IST1: variants seen among roughly 807,000 people sequenced by gnomAD.
The protein encoded by IST1 is IST1 homolog.
Under a neutral mutation model 37.0 loss-of-function variants are expected in IST1, and 23 were observed. The ratio of observed to expected loss-of-function variants is 0.62; its 90% confidence interval spans 0.45 to 0.88. The LOEUF (loss-of-function observed/expected upper bound fraction) is 0.88. IST1 is among the 40% of genes least tolerant of loss of function. The pLI, the probability that IST1 is intolerant of heterozygous loss-of-function variation, is 0.00. For synonymous variants in IST1, 180 were observed against 161.7 expected, an observed-to-expected ratio of 1.11 and a Z score of -0.86; for missense variants, 488 against 445.4, an observed-to-expected ratio of 1.10 and a Z score of -0.86.
chr16:71,909,095 CTT>C (rs34086105), intron 1 of IST1, among the ~76,000 whole-genome samples: 10 of 102,936 alleles, frequency 9.7e-5, no homozygotes, highest in Non-Finnish European at 1.1e-4. Flanking sequence ...TTTTGTTTGT[CTT>C]TTTTTTTTTT....
At position 71,916,592 on chromosome 16, in the gene IST1, G is replaced by A; in HGVS notation, c.219G>A (p.Glu73=). 6.2e-7 allele frequency: 1 copy of A among 1,614,124 alleles called. No homozygotes were observed. The highest frequency in any genetic ancestry group is 8.5e-7 in the Non-Finnish European group (1 of 1,179,928). The change falls in exon 3 of 10, where the codon GAG becomes GAA. Residue 73 remains glutamate, a synonymous_variant. Coordinates refer to ENST00000378799, the MANE Select transcript of IST1 (RefSeq NM_001270975.2). Reference sequence around the variant, plus strand: ...TCGTGGAGGCCATGGAGATCCTGGAGCTGTACTGTGACCTGCTGCTGGCTC... The same window carrying A: ...TCGTGGAGGCCATGGAGATCCTGGAACTGTACTGTGACCTGCTGCTGGCTC... The part of the protein sequence containing the change: ...DYLVEAMEIL[E]LYCDLLLARF...
intron 8 of IST1, chr16:71,924,560 C>T (rs985101763): frequency 6.7e-6 from 4 of 597,248 alleles, no homozygotes; most frequent in African/African-American, 3.7e-5. Flanking sequence ...CACTGCACTC[C>T]AGCCTGGGTG....
At position 71,925,022 on chromosome 16, in the gene IST1, T is replaced by C. The variant is rs2037705412; in HGVS notation, c.901+205T>C. 2.6e-5 allele frequency among the ~76,000 whole-genome samples: 4 copies of C among 151,648 alleles called. No individual in the cohort carries two copies. In the South Asian group the frequency reaches 6.3e-4, roughly 24 times the overall value. On this transcript the variant is annotated intron_variant, in intron 9 of 9. Transcript: ENST00000378799. The stretch of plus-strand genomic sequence containing the variant: ...GTGATAGCTCAGTGATTTTTTTTTT[T>C]TTTTTTTTGAGATGGAGTCTTGCTC...
intron 1 of IST1, among the ~76,000 whole-genome samples, chr16:71,901,616 T>G (rs1021280519): frequency 6.6e-6 from 1 of 152,252 alleles, no homozygotes; most frequent in African/African-American, 2.4e-5. Context: ...ACTGTCATTG[T>G]CTTTAATGAT....
At chr16:71,895,682 G>C in intron 1 of IST1, 93 bp downstream of exon 1, 2 of 395,944 alleles carry the variant, frequency 5.1e-6, no homozygotes, top group Non-Finnish European at 6.9e-6. Context: ...TAGGGCCCGG[G>C]ATTCAAACGA....
Position 71,927,657 on chromosome 16 carries a change from A to T in IST1, c.945A>T (p.Arg315Ser), listed in dbSNP as rs778909836. ...KPEASAKLPS[R>S]PADNYDNFVL... ...AAGCCTCTGCAAAGCTTCCTTCCAG[A>T]CCTGCAGATAACTATGACAACTTTG... The change falls in exon 10 of 10, where the codon AGA becomes AGT. Residue 315 changes from arginine to serine, a missense_variant. Transcript: ENST00000378799. 3.8e-5 allele frequency: 62 copies of T among 1,613,800 alleles called. No individual in the cohort carries two copies. In the Admixed American group the frequency reaches 4.5e-4, roughly 12 times the overall value.
chr16:71,927,576 T>C (rs758825191), intron 9 of IST1, 38 bp from the exon 10 acceptor site: 2 of 1,398,890 alleles, frequency 1.4e-6, no homozygotes, highest in Non-Finnish European at 2.0e-6. Flanking sequence ...GAGTCATTTC[T>C]CTGGTATTTG....
upstream of IST1, chr16:71,895,254 G>GA (rs2036937946): frequency 6.3e-6 from 1 of 158,442 alleles, no homozygotes; most frequent in Non-Finnish European, 1.4e-5. Flanking sequence ...AACAGCTGTG[G>GA]CTGGCCTCCC....
chr16:71,910,646 A>G (rs999521923), intron 1 of IST1, among the ~76,000 whole-genome samples: 1 of 151,800 alleles, frequency 6.6e-6, no homozygotes. Context: ...GGTACTATGT[A>G]TAGGATTCGG....
Position 71,921,479 on chromosome 16 carries a change from A to T in IST1, c.552+26A>T, listed in dbSNP as rs200826780. On this transcript the variant is annotated intron_variant, in intron 6 of 9. Transcript: ENST00000378799. Reference sequence around the variant, plus strand: ...GTAAGTTTATCCCAGAATACAAAGAAAAATGAGTTTGTAGGTATGACCTTC... The same window carrying T: ...GTAAGTTTATCCCAGAATACAAAGATAAATGAGTTTGTAGGTATGACCTTC... 4 of 1,423,340 alleles carry T rather than the reference A, an allele frequency of 2.8e-6. No individual in the cohort carries two copies. In the Admixed American group the frequency reaches 5.1e-5, roughly 18 times the overall value. The allele number at this position is 1,423,340 out of a possible 1,614,324, so 88.2% of individuals were successfully genotyped here.
At chr16:71,900,327 C>CTTTTTTTTTTTTTTTTTTT (rs201344260) in intron 1 of IST1, among the ~76,000 whole-genome samples, 1 of 100,470 alleles carries the variant, frequency 1.0e-5, no homozygotes, top group Non-Finnish European at 1.8e-5. Flanking sequence ...CTTAGGAAGT[C>CTTTTTTTTTTTTTTTTTTT]TTTTTTTTTT....
Position 71,908,527 on chromosome 16 carries a change from C to T in IST1, c.-15-7099C>T, listed in dbSNP as rs117654744. On this transcript the variant is annotated intron_variant, in intron 1 of 9. Transcript: ENST00000378799. ...GGCCAGGCTGGTCTCGAATACCACCCGCCTTGGCCTCCCACAGTGTTGGGA... is the reference window on the plus strand; with the variant it reads ...GGCCAGGCTGGTCTCGAATACCACCTGCCTTGGCCTCCCACAGTGTTGGGA... Among the ~76,000 whole-genome samples the T allele has an allele frequency of 1.8e-4, 27 of 152,220 alleles. No individual in the cohort carries two copies. The East Asian group carries it at 4.6e-3, about 26-fold the overall frequency.
intron 2 of IST1, 130 bp downstream of exon 2, chr16:71,915,858 TCTCA>T: frequency 1.7e-6 from 1 of 581,314 alleles, no homozygotes; most frequent in Non-Finnish European, 3.0e-6. Flanking sequence ...TGAGACAGGG[TCTCA>T]CTCTGTCGCC....
At chr16:71,906,348 C>T (rs61303106) in intron 1 of IST1, among the ~76,000 whole-genome samples, 1,644 of 151,864 alleles carry the variant, frequency 0.011, 24 homozygotes, top group African/African-American at 0.036. Context: ...GCGCTTGTTG[C>T]CCAGGCTGGA....
intron 1 of IST1, among the ~76,000 whole-genome samples, chr16:71,906,457 G>A (rs779063410): frequency 1.4e-4 from 22 of 151,726 alleles, no homozygotes; most frequent in Non-Finnish European, 2.5e-4. Flanking sequence ...ACAGGTGCCC[G>A]CCACCACGCC....
Position 71,929,797 on chromosome 16 carries a change from A to G in IST1, c.*1984A>G. 1 of 1,121,444 alleles carries G rather than the reference A, an allele frequency of 8.9e-7. No individual in the cohort carries two copies. The highest frequency in any genetic ancestry group is 1.7e-5 in the South Asian group (1 of 58,416). 69.5% of individuals were successfully genotyped at this position (1,121,444 alleles called of 1,614,324 possible). A position where few individuals can be genotyped will look rare whatever the true frequency, so the allele number is the denominator to read the frequency against. On this transcript the variant is annotated 3_prime_UTR_variant, in exon 10 of 10. Coordinates refer to ENST00000378799, the MANE Select transcript of IST1 (RefSeq NM_001270975.2). ...TAAATGTAAAGATACTATTTCTTTA[A>G]TAATTTGCAGTCAGGCATTGGAGTG...
intron 6 of IST1, 63 bp from the exon 7 acceptor site, chr16:71,922,411 C>A (rs184304588): frequency 1.1e-5 from 16 of 1,404,332 alleles, no homozygotes; most frequent in East Asian, 4.6e-5. Context: ...TCTCAGACTC[C>A]GCTTTCTGGG....
At chr16:71,910,642 A>G (rs903327585) in intron 1 of IST1, among the ~76,000 whole-genome samples, 3 of 151,784 alleles carry the variant, frequency 2.0e-5, no homozygotes, top group East Asian at 1.9e-4. Context: ...AAAAGGTACT[A>G]TGTATAGGAT....
intron 4 of IST1, among the ~76,000 whole-genome samples, 154 bp from the exon 5 acceptor site, chr16:71,920,585 C>A (rs772606797): frequency 6.6e-6 from 1 of 152,112 alleles, no homozygotes; most frequent in Non-Finnish European, 1.5e-5. Flanking sequence ...GATGGATGAA[C>A]AAATAGTGGA....
Sources: gnomAD v4.1 joint callset for allele counts (sites outside exome capture counted in the v4.1 genomes callset) on GRCh38, gnomAD v4.1.1 for gene constraint, MANE v1.5 for transcripts, NCBI Gene and HGNC (gene_info 2026-07-23, HGNC 2026-07-21) for gene names.